The following PTPRD variants were observed in gnomAD, a reference collection of about 807,000 sequenced individuals.
PTPRD encodes the protein protein tyrosine phosphatase receptor type D.
A neutral mutation model predicts 214.5 loss-of-function variants in PTPRD; 34 were observed. The observed-to-expected ratio is 0.16, with a 90% CI of 0.12 to 0.21. PTPRD has a LOEUF of 0.21. Among genes scored for constraint, PTPRD ranks in the 10% least tolerant of loss-of-function variants. PTPRD has a pLI of 1.00. For missense variants in PTPRD, 2,545 were observed against 2,398.7 expected (o/e 1.06, Z -1.27); for synonymous variants, 1,128 against 845.7 (o/e 1.33, Z -5.79).
At chr9:8,434,719 G>C (rs967592713) in intron 35 of PTPRD, among the ~76,000 whole-genome samples, 1 of 152,168 alleles carries the variant, frequency 6.6e-6, no homozygotes, top group East Asian at 1.9e-4. Flanking sequence ...AAGTAGGTTG[G>C]AGTGATGAAA....
At chr9:9,448,605 G>T (rs143898465) in intron 8 of PTPRD, among the ~76,000 whole-genome samples, 1 of 152,030 alleles carries the variant, frequency 6.6e-6, no homozygotes, top group Non-Finnish European at 1.5e-5. Flanking sequence ...CTTTACAGCA[G>T]TGTGAAAACA....
intron 8 of PTPRD, among the ~76,000 whole-genome samples, chr9:9,474,036 G>C (rs1452722476): frequency 4.0e-5 from 6 of 151,760 alleles, no homozygotes. Flanking sequence ...AAATCTATTA[G>C]ATGAACGTCC....
At chr9:9,681,067 TAG>T (rs2097058718) in intron 7 of PTPRD, among the ~76,000 whole-genome samples, 1 of 151,838 alleles carries the variant, frequency 6.6e-6, no homozygotes, top group Admixed American at 6.6e-5. Context: ...AAATTTGTAA[TAG>T]AGATTTCAAA....
At chr9:8,521,226 C>T (rs1383761893) in intron 20 of PTPRD, 51 bp downstream of exon 20, 2 of 1,552,796 alleles carry the variant, frequency 1.3e-6, no homozygotes, top group Non-Finnish European at 1.7e-6. Context: ...AGGCATTAGT[C>T]ACTTGGCTTG....
At chr9:9,760,967 A>G (rs2098650294) in intron 6 of PTPRD, among the ~76,000 whole-genome samples, 2 of 152,236 alleles carry the variant, frequency 1.3e-5, no homozygotes, top group Admixed American at 1.3e-4. Context: ...ATAAAATGGT[A>G]CAGCTACACT....
At chr9:10,608,296 A>G (rs1201218377) in intron 2 of PTPRD, among the ~76,000 whole-genome samples, 2 of 152,058 alleles carry the variant, frequency 1.3e-5, no homozygotes, top group Non-Finnish European at 2.9e-5. Flanking sequence ...ATAAAATCCA[A>G]AAATAATTAT....
intron 11 of PTPRD, among the ~76,000 whole-genome samples, chr9:8,770,682 G>T (rs2095138317): frequency 6.6e-6 from 1 of 152,022 alleles, no homozygotes; most frequent in African/African-American, 2.4e-5. Flanking sequence ...TACTTTCGTG[G>T]AAATATATAT....
At chr9:9,017,910 G>C (rs190518468) in intron 11 of PTPRD, among the ~76,000 whole-genome samples, 7 of 151,688 alleles carry the variant, frequency 4.6e-5, no homozygotes, top group Admixed American at 4.6e-4. Flanking sequence ...ATTGAATATC[G>C]TGTCTCTATA....
At chr9:10,549,229 T>C (rs2060786755) in intron 2 of PTPRD, among the ~76,000 whole-genome samples, 2 of 152,180 alleles carry the variant, frequency 1.3e-5, no homozygotes, top group African/African-American at 4.8e-5. Context: ...TAAGTACTGC[T>C]TTTAAAAGTA....
chr9:10,446,417 C>CTTTTT (rs34478548), intron 2 of PTPRD, among the ~76,000 whole-genome samples: 632 of 92,828 alleles, frequency 6.8e-3, no homozygotes, highest in Non-Finnish European at 9.5e-3. Context: ...CTATTTTTTT[C>CTTTTT]TTTTTTTTTT....
At chr9:9,847,569 T>C (rs1473436314) in intron 5 of PTPRD, among the ~76,000 whole-genome samples, 3 of 152,090 alleles carry the variant, frequency 2.0e-5, no homozygotes, top group African/African-American at 4.8e-5. Flanking sequence ...CCTAGGTTTG[T>C]CATATTCTTG....
chr9:9,595,049 C>G (rs560472599), intron 7 of PTPRD, among the ~76,000 whole-genome samples: 6 of 151,882 alleles, frequency 4.0e-5, no homozygotes, highest in Admixed American at 2.0e-4. Context: ...CTACCTTACT[C>G]CAGCAAGAAT....
At chr9:9,795,806 T>C (rs2098998631) in intron 5 of PTPRD, among the ~76,000 whole-genome samples, 2 of 152,150 alleles carry the variant, frequency 1.3e-5, no homozygotes, top group Admixed American at 1.3e-4. Context: ...CTGACACATC[T>C]TCTTCTGACA....
intron 2 of PTPRD, among the ~76,000 whole-genome samples, chr9:10,396,574 A>G (rs2098174508): frequency 6.6e-6 from 1 of 152,026 alleles, no homozygotes; most frequent in Non-Finnish European, 1.5e-5. Flanking sequence ...TGGGAAGAGA[A>G]TTAGAGAGAC....
chr9:10,507,102 C>T (rs1013357141), intron 2 of PTPRD, among the ~76,000 whole-genome samples: 5 of 151,948 alleles, frequency 3.3e-5, no homozygotes, highest in African/African-American at 4.8e-5. Context: ...AGCAAAGTCT[C>T]GGGATAAAAA....
Position 8,733,913 on chromosome 9 carries a change from C to CGGTGTCT in PTPRD, c.-71_-70insAGACACC. The CGGTGTCT allele has an allele frequency of 6.8e-7, 1 of 1,472,728 alleles. No individual in the cohort carries two copies. The highest frequency in any genetic ancestry group is 9.2e-7 in the Non-Finnish European group (1 of 1,083,456). 91.2% of individuals were successfully genotyped at this position (1,472,728 alleles called of 1,614,324 possible). A position where few individuals can be genotyped will look rare whatever the true frequency, so the allele number is the denominator to read the frequency against. ...CCTCCGGAGCCGCAGCGAGTCTGTCCGATCTGAAATTTCAGCTGGAACACT... is the reference window on the plus strand; with the variant it reads ...CCTCCGGAGCCGCAGCGAGTCTGTCCGGTGTCTGATCTGAAATTTCAGCTGGAACACT... On this transcript the variant is annotated 5_prime_UTR_variant, in exon 12 of 46. Transcript: ENST00000381196.
chr9:8,997,312 G>A (rs1180571662), intron 11 of PTPRD, among the ~76,000 whole-genome samples: 1 of 152,030 alleles, frequency 6.6e-6, no homozygotes, highest in Non-Finnish European at 1.5e-5. Context: ...CATCAAGCAA[G>A]TCTATCGACA....
intron 3 of PTPRD, among the ~76,000 whole-genome samples, chr9:10,202,981 C>T (rs2099437063): frequency 6.6e-6 from 1 of 151,500 alleles, no homozygotes; most frequent in Admixed American, 6.6e-5. Context: ...TTTAAGCCAC[C>T]CAGACAACGG....
chr9:8,612,527 A>G (rs762813411), intron 14 of PTPRD, among the ~76,000 whole-genome samples: 2 of 152,242 alleles, frequency 1.3e-5, no homozygotes, highest in Non-Finnish European at 2.9e-5. Context: ...GAAGGTAAGG[A>G]AAAACACAAG....
Sources: gnomAD v4.1 joint callset for allele counts (sites outside exome capture counted in the v4.1 genomes callset) on GRCh38, gnomAD v4.1.1 for gene constraint, MANE v1.5 for transcripts, NCBI Gene and HGNC (gene_info 2026-07-23, HGNC 2026-07-21) for gene names.